The following FDX1 variants were observed in gnomAD, a reference collection of about 807,000 sequenced individuals.
FDX1 encodes the protein ferredoxin 1.
A neutral mutation model predicts 14.9 loss-of-function variants in FDX1; 9 were observed. The observed-to-expected ratio is 0.60, with a 90% CI of 0.36 to 1.05. FDX1 has a LOEUF of 1.05. Among genes scored for constraint, FDX1 ranks in the 50% least tolerant of loss-of-function variants. The probability of loss-of-function intolerance (pLI) is 0.01; values close to 1 mark genes in which losing one functional copy is unlikely to be tolerated. For synonymous variants in FDX1, 92 were observed against 99.4 expected (o/e 0.93, Z 0.44); for missense variants, 204 against 237.2 (o/e 0.86, Z 0.92).
At chr11:110,439,623 A>G (rs1206223452) in intron 2 of FDX1, among the ~76,000 whole-genome samples, 1 of 151,892 alleles carries the variant, frequency 6.6e-6, no homozygotes, top group African/African-American at 2.4e-5. Context: ...ATTTTTTCTC[A>G]TTTTCTAGGG....
intron 1 of FDX1, among the ~76,000 whole-genome samples, chr11:110,432,442 G>A (rs2134564768): frequency 6.6e-6 from 1 of 152,170 alleles, no homozygotes; most frequent in East Asian, 1.9e-4. Flanking sequence ...CAGTAGTTTT[G>A]GGGGCACAGG....
intron 1 of FDX1, among the ~76,000 whole-genome samples, chr11:110,434,994 GTCCCCTGCC>G (rs1946359438): frequency 6.7e-6 from 1 of 150,176 alleles, no homozygotes. Flanking sequence ...GGCTCAAGCA[GTCCCCTGCC>G]TCGGCCTCCC....
chr11:110,436,094 T>C (rs142079713), intron 2 of FDX1, 136 bp downstream of exon 2: 2 of 721,398 alleles, frequency 2.8e-6, no homozygotes, highest in African/African-American at 1.8e-5. Context: ...TGTGTTAGTG[T>C]TATATTCTTG....
intron 2 of FDX1, among the ~76,000 whole-genome samples, chr11:110,442,224 G>T (rs917003099): frequency 2.6e-5 from 4 of 152,250 alleles, no homozygotes; most frequent in Non-Finnish European, 5.9e-5. Context: ...GAAATGTGGG[G>T]TTGGAGCCCC....
intron 2 of FDX1, among the ~76,000 whole-genome samples, chr11:110,439,251 A>AG (rs1946390475): frequency 6.6e-6 from 1 of 151,290 alleles, no homozygotes; most frequent in Non-Finnish European, 1.5e-5. Context: ...TCTGTTGTCC[A>AG]GGTTGGAGTG....
intron 1 of FDX1, among the ~76,000 whole-genome samples, chr11:110,433,887 G>C (rs1159098509): frequency 6.6e-6 from 1 of 152,174 alleles, no homozygotes; most frequent in Non-Finnish European, 1.5e-5. Flanking sequence ...TTTCGAGATA[G>C]TTATGGCTCT....
chr11:110,444,638 G>C (rs1946426512), intron 2 of FDX1, among the ~76,000 whole-genome samples: 1 of 57,410 alleles, frequency 1.7e-5, no homozygotes, highest in Non-Finnish European at 3.2e-5. Flanking sequence ...ATATATGTGT[G>C]TGTGTGTGTG....
In FDX1 at chr11:110,462,884, G is replaced by A. The variant is rs1042288; in HGVS notation, c.*416G>A. On this transcript the variant is annotated 3_prime_UTR_variant, in exon 4 of 4. Coordinates refer to ENST00000260270, the MANE Select transcript of FDX1 (RefSeq NM_004109.5). ...CCATACCACTAATTAGAAAATCTGT[G>A]CTAGAACCTGTGTCTTATTCCTATA... 0.18 allele frequency: 28,049 copies of A among 156,736 alleles called. 2,604 individuals carry two copies. Among genetic ancestry groups the A allele is most frequent in the East Asian group, 0.26 (1,443 of 5,456 alleles). 9.7% of individuals were successfully genotyped at this position (156,736 alleles called of 1,614,324 possible). A position where few individuals can be genotyped will look rare whatever the true frequency, so the allele number is the denominator to read the frequency against.
chr11:110,430,187 C>A lies in FDX1; in HGVS notation c.67C>A (p.Arg23=). The change falls in exon 1 of 4, where the codon CGG becomes AGG. Residue 23 remains arginine, a synonymous_variant. Transcript: ENST00000260270. ...ASAVLGGPAG[R]WLHHAGSRAG... Reference sequence around the variant, plus strand: ...TGCTGTCCTCGGCGGCCCGGCCGGCCGGTGGCTGCACCACGCTGGGTCCCG... The same window carrying A: ...TGCTGTCCTCGGCGGCCCGGCCGGCAGGTGGCTGCACCACGCTGGGTCCCG... 1 of 1,230,370 alleles carries A rather than the reference C, an allele frequency of 8.1e-7. No individual in the cohort carries two copies. Among genetic ancestry groups the A allele is most frequent in the Non-Finnish European group, 1.0e-6 (1 of 988,834 alleles). 76.2% of individuals were successfully genotyped at this position (1,230,370 alleles called of 1,614,324 possible). A position where few individuals can be genotyped will look rare whatever the true frequency, so the allele number is the denominator to read the frequency against.
chr11:110,435,403 A>G (rs1946361715), intron 1 of FDX1, among the ~76,000 whole-genome samples: 1 of 152,236 alleles, frequency 6.6e-6, no homozygotes, highest in South Asian at 2.1e-4. Flanking sequence ...AATGTTTTAT[A>G]ACTGTGACTA....
upstream of FDX1, chr11:110,429,881 G>C (rs1040684480): frequency 2.2e-5 from 7 of 323,360 alleles, no homozygotes; most frequent in Non-Finnish European, 3.4e-5. Context: ...ACCGGGCGGC[G>C]TGGGCGTGAG....
At chr11:110,430,727 C>A (rs546629311) in intron 1 of FDX1, among the ~76,000 whole-genome samples, 48 of 152,228 alleles carry the variant, frequency 3.2e-4, no homozygotes, top group Non-Finnish European at 5.7e-4. Flanking sequence ...GCCTGACACA[C>A]CTGCCAGCTG....
intron 1 of FDX1, among the ~76,000 whole-genome samples, chr11:110,433,748 CA>C (rs199797953): frequency 2.0e-5 from 3 of 152,082 alleles, no homozygotes; most frequent in African/African-American, 4.8e-5. Context: ...CACACACACA[CA>C]CCCTTTTGAT....
At position 110,459,478 on chromosome 11, in the gene FDX1, G is replaced by A. The variant is rs1462876940; in HGVS notation, c.440+2431G>A. 5.3e-5 allele frequency among the ~76,000 whole-genome samples: 8 copies of A among 152,136 alleles called. No individual in the cohort carries two copies. In the East Asian group the frequency reaches 1.3e-3, roughly 26 times the overall value. On this transcript the variant is annotated intron_variant, in intron 3 of 3. Coordinates refer to ENST00000260270, the MANE Select transcript of FDX1 (RefSeq NM_004109.5). ...TGGGGAAACAAGGTTTAGTTATCACGGATTTGCTTAAGGCTGCACAGCTAG... is the reference window on the plus strand; with the variant it reads ...TGGGGAAACAAGGTTTAGTTATCACAGATTTGCTTAAGGCTGCACAGCTAG...
chr11:110,430,534 C>T (rs997248360), intron 1 of FDX1, among the ~76,000 whole-genome samples: 6 of 152,234 alleles, frequency 3.9e-5, no homozygotes, highest in Non-Finnish European at 7.4e-5. Context: ...TTCCGCATCA[C>T]CCACTCCCGG....
chr11:110,433,803 A>G (rs1410658772), intron 1 of FDX1, among the ~76,000 whole-genome samples: 1 of 152,100 alleles, frequency 6.6e-6, no homozygotes, highest in Non-Finnish European at 1.5e-5. Context: ...CAGTGTTATA[A>G]TATTAGGGAG....
intron 2 of FDX1, among the ~76,000 whole-genome samples, chr11:110,455,939 G>A (rs1946518970): frequency 6.6e-6 from 1 of 152,168 alleles, no homozygotes; most frequent in Admixed American, 6.5e-5. Flanking sequence ...AGTGAAGGCT[G>A]AGTAATACCA....
chr11:110,461,549 T>C (rs187576743), intron 3 of FDX1, among the ~76,000 whole-genome samples: 1 of 140,246 alleles, frequency 7.1e-6, no homozygotes, highest in Admixed American at 7.5e-5. Context: ...AAATTAGTAG[T>C]AATTCTGCAA....
chr11:110,448,904 T>G (rs1055639367), intron 2 of FDX1, among the ~76,000 whole-genome samples: 2 of 152,176 alleles, frequency 1.3e-5, no homozygotes, highest in African/African-American at 4.8e-5. Flanking sequence ...GATGGACCAT[T>G]TTAGCTAATA....
Sources: gnomAD v4.1 joint callset for allele counts (sites outside exome capture counted in the v4.1 genomes callset) on GRCh38, gnomAD v4.1.1 for gene constraint, MANE v1.5 for transcripts, NCBI Gene and HGNC (gene_info 2026-07-23, HGNC 2026-07-21) for gene names.